Variants in ZNF385D observed in about 807,000 individuals in gnomAD.
ZNF385D encodes zinc finger protein 385D, also known as zinc finger protein 659.
Under a neutral mutation model 35.8 loss-of-function variants are expected in ZNF385D, and 15 were observed. The observed-to-expected ratio is 0.42, with a 90% CI of 0.28 to 0.64. The LOEUF (loss-of-function observed/expected upper bound fraction) is 0.64. ZNF385D is among the 30% of genes least tolerant of loss of function. The probability of loss-of-function intolerance (pLI) is 0.23; values close to 1 mark genes in which losing one functional copy is unlikely to be tolerated. For missense variants in ZNF385D, 474 were observed against 494.6 expected (o/e 0.96, Z 0.39); for synonymous variants, 212 against 186.8 (o/e 1.13, Z -1.10).
At chr3:21,932,539 C>T (rs995801038) in intron 3 of ZNF385D, among the ~76,000 whole-genome samples, 1 of 151,800 alleles carries the variant, frequency 6.6e-6, no homozygotes, top group African/African-American at 2.4e-5. Context: ...TAATCCCTGA[C>T]AAGTATCTGT....
chr3:21,594,939 AAATT>A (rs1277476301), intron 2 of ZNF385D, among the ~76,000 whole-genome samples: 2 of 152,190 alleles, frequency 1.3e-5, no homozygotes, highest in African/African-American at 4.8e-5. Flanking sequence ...GTAAAGTACA[AAATT>A]AAACTGCGCA....
intron 3 of ZNF385D, among the ~76,000 whole-genome samples, chr3:21,525,402 T>G (rs2125514533): frequency 6.6e-6 from 1 of 152,212 alleles, no homozygotes; most frequent in African/African-American, 2.4e-5. Context: ...TTATTAAAAT[T>G]TTGGGCCGGG....
intron 2 of ZNF385D, among the ~76,000 whole-genome samples, chr3:22,300,021 C>G (rs1013963700): frequency 1.4e-4 from 22 of 151,852 alleles, no homozygotes; most frequent in African/African-American, 5.3e-4. Context: ...GCACAAAGAA[C>G]AAAGCTGGAG....
intron 3 of ZNF385D, among the ~76,000 whole-genome samples, chr3:21,946,503 G>A (rs1015975764): frequency 6.6e-6 from 1 of 152,040 alleles, no homozygotes; most frequent in African/African-American, 2.4e-5. Flanking sequence ...ATGTTCTTAT[G>A]AACTGATTTG....
In ZNF385D at chr3:21,602,741, G is replaced by C. The variant is rs1306062190; in HGVS notation, c.166-38057C>G. Among the ~76,000 whole-genome samples the C allele has an allele frequency of 5.3e-5, 8 of 150,676 alleles. No individual in the cohort carries two copies. In the East Asian group the frequency reaches 7.9e-4, roughly 15 times the overall value. ...GTAGAGACGGGGTTTCACCTTGTTA[G>C]CCAGGATGGTCTCGATCTCCTAACC... On this transcript the variant is annotated intron_variant, in intron 2 of 7. Transcript: ENST00000281523.
chr3:21,664,225 A>T (rs1366679863), intron 2 of ZNF385D, among the ~76,000 whole-genome samples: 1 of 152,106 alleles, frequency 6.6e-6, no homozygotes, highest in African/African-American at 2.4e-5. Flanking sequence ...GGTGAAAATG[A>T]TGCATCTGCC....
chr3:21,840,466 G>C (rs1237056894), intron 3 of ZNF385D, among the ~76,000 whole-genome samples: 2 of 151,960 alleles, frequency 1.3e-5, no homozygotes, highest in Non-Finnish European at 2.9e-5. Flanking sequence ...CCTTCCTTTT[G>C]TCTAGTTGAA....
intron 3 of ZNF385D, among the ~76,000 whole-genome samples, chr3:21,826,620 G>A (rs1458160719): frequency 2.0e-5 from 3 of 152,076 alleles, no homozygotes; most frequent in Non-Finnish European, 4.4e-5. Flanking sequence ...GCAAGGATGT[G>A]GTCAGAGACA....
At chr3:21,479,591 T>C (rs552349920) in intron 4 of ZNF385D, among the ~76,000 whole-genome samples, 12 of 152,260 alleles carry the variant, frequency 7.9e-5, no homozygotes, top group African/African-American at 2.9e-4. Flanking sequence ...AATTAGAGTA[T>C]AAGAAAAGCA....
chr3:21,428,717 G>C (rs922291555), intron 5 of ZNF385D, among the ~76,000 whole-genome samples: 7 of 151,964 alleles, frequency 4.6e-5, no homozygotes, highest in African/African-American at 1.7e-4. Flanking sequence ...CTTCTTTTGT[G>C]ATGGCTCAGC....
intron 3 of ZNF385D, among the ~76,000 whole-genome samples, chr3:21,519,513 G>T (rs1707783102): frequency 6.6e-6 from 1 of 152,104 alleles, no homozygotes; most frequent in Non-Finnish European, 1.5e-5. Flanking sequence ...CCTTGCTTTT[G>T]TATATATCTT....
At chr3:21,470,333 A>G (rs1306095158) in intron 4 of ZNF385D, among the ~76,000 whole-genome samples, 1 of 152,116 alleles carries the variant, frequency 6.6e-6, no homozygotes, top group Non-Finnish European at 1.5e-5. Context: ...CTGCTTTAGA[A>G]TTCTCAGCCC....
intron 4 of ZNF385D, among the ~76,000 whole-genome samples, chr3:21,437,771 C>A (rs999441992): frequency 4.4e-5 from 6 of 136,698 alleles, no homozygotes; most frequent in African/African-American, 1.6e-4. Flanking sequence ...TTCAGAAAAT[C>A]ATTGCTCTAT....
intron 3 of ZNF385D, among the ~76,000 whole-genome samples, chr3:22,011,174 GTTTA>G (rs1270013373): frequency 1.3e-5 from 2 of 151,900 alleles, no homozygotes; most frequent in African/African-American, 4.8e-5. Flanking sequence ...AAATTCCACT[GTTTA>G]TTGTTTCTAA....
At chr3:22,133,146 A>C (rs1703898480) in intron 3 of ZNF385D, among the ~76,000 whole-genome samples, 2 of 152,308 alleles carry the variant, frequency 1.3e-5, no homozygotes. Context: ...TCTTTAAAAA[A>C]TACCCTCAAA....
At chr3:22,313,419 T>C (rs1703695709) in intron 2 of ZNF385D, among the ~76,000 whole-genome samples, 1 of 151,956 alleles carries the variant, frequency 6.6e-6, no homozygotes, top group Admixed American at 6.6e-5. Flanking sequence ...TAAAAAAAGA[T>C]GTAGATATAA....
chr3:22,018,685 C>T (rs535960177), intron 3 of ZNF385D, among the ~76,000 whole-genome samples: 11 of 150,678 alleles, frequency 7.3e-5, no homozygotes, highest in Non-Finnish European at 1.6e-4. Flanking sequence ...TTATGTTGAC[C>T]TTCTCTTTCT....
intron 1 of ZNF385D, among the ~76,000 whole-genome samples, chr3:21,724,533 C>A (rs866818262): frequency 1.4e-4 from 16 of 113,020 alleles, no homozygotes; most frequent in African/African-American, 5.2e-4. Context: ...GAGTTGCAAT[C>A]CTAATGTCTG....
At chr3:21,704,777 C>A (rs899617093) in intron 1 of ZNF385D, among the ~76,000 whole-genome samples, 13 of 152,260 alleles carry the variant, frequency 8.5e-5, no homozygotes, top group African/African-American at 2.9e-4. Flanking sequence ...AGAACAGTAC[C>A]TGACACATAG....
Sources: gnomAD v4.1 joint callset for allele counts (sites outside exome capture counted in the v4.1 genomes callset) on GRCh38, gnomAD v4.1.1 for gene constraint, MANE v1.5 for transcripts, NCBI Gene and HGNC (gene_info 2026-07-23, HGNC 2026-07-21) for gene names.